The following CELF2 variants were observed in gnomAD, a reference collection of about 807,000 sequenced individuals.
CELF2 encodes CUG triplet repeat RNA-binding protein 2.
CELF2 carries 8 observed loss-of-function variants against 62.6 expected under a neutral mutation model. The ratio of observed to expected loss-of-function variants is 0.13; its 90% CI spans 0.07 to 0.23. CELF2 has a LOEUF of 0.23. Ranked by LOEUF, CELF2 falls within the 10% of genes least tolerant of loss-of-function variation. CELF2 has a pLI of 1.00. For synonymous variants in CELF2, 258 were observed against 250.0 expected (o/e 1.03, Z -0.30); for missense variants, 333 against 671.0 (o/e 0.50, Z 5.56).
In CELF2 at chr10:11,319,888, G is replaced by A. The variant is rs147928573; in HGVS notation, c.1097-1301G>A. ...CCACCTGCTCTGTTAGGGCAGTAGC[G>A]TTGCTGGGCGTGTGGAGGTCACTCT... is the stretch of plus-strand genomic sequence containing the variant. On this transcript the variant is annotated intron_variant, in intron 10 of 12. Transcript: ENST00000633077. The surrounding 1 kb of genome is among the most constrained non-coding windows in gnomAD (Gnocchi z 4.4). 1.8e-4 allele frequency: 84 copies of A among 470,886 alleles called. 1 individual carries two copies. The highest frequency in any genetic ancestry group is 1.1e-3 in the African/African-American group (54 of 50,162). The allele number at this position is 470,886 out of a possible 1,614,324, so 29.2% of individuals were successfully genotyped here.
In CELF2 at chr10:11,143,626, C is replaced by T. The variant is rs59002112; in HGVS notation, c.75-21860C>T. On this transcript the variant is annotated intron_variant, in intron 1 of 12. Coordinates refer to ENST00000633077, the MANE Select transcript of CELF2 (RefSeq NM_001326342.2). Reference sequence around the variant, plus strand: ...TATTTGTAGTTTCTTGCATATCTCACGTTGAGAACTTCAGGCCCCCACACA... The same window carrying T: ...TATTTGTAGTTTCTTGCATATCTCATGTTGAGAACTTCAGGCCCCCACACA... 4.7e-3 allele frequency among the ~76,000 whole-genome samples: 712 copies of T among 152,278 alleles called. 5 individuals are homozygous for T. The highest frequency in any genetic ancestry group is 0.017 in the African/African-American group (686 of 41,540).
At chr10:10,719,337 C>T in the CELF2 span, among the ~76,000 whole-genome samples, 14 of 152,264 alleles carry the variant, frequency 9.2e-5, no homozygotes, top group African/African-American at 2.6e-4. Flanking sequence ...TAGCTCACTG[C>T]GGCCTCAAAG....
the CELF2 span, among the ~76,000 whole-genome samples, chr10:10,771,035 A>C: frequency 6.2e-4 from 95 of 152,328 alleles, no homozygotes; most frequent in Non-Finnish European, 1.1e-3. Context: ...TCCTTGGGAA[A>C]GAGATGAGGG....
the CELF2 span, among the ~76,000 whole-genome samples, chr10:10,702,878 C>T: frequency 6.6e-6 from 1 of 152,198 alleles, no homozygotes; most frequent in Non-Finnish European, 1.5e-5. Flanking sequence ...GCCATCGTGC[C>T]CAACCCCTTT....
At chr10:10,511,649 C>T in the CELF2 span, among the ~76,000 whole-genome samples, 1 of 152,082 alleles carries the variant, frequency 6.6e-6, no homozygotes, top group Non-Finnish European at 1.5e-5. Context: ...CACAGCTGCC[C>T]ACAGTTTAAA....
rs1029320512 is a variant in CELF2 at position 11,296,097 on chromosome 10, C to T, written c.976+7545C>T. Among the ~76,000 whole-genome samples the T allele has an allele frequency of 2.6e-5, 4 of 152,242 alleles. No homozygotes were observed. Among genetic ancestry groups the T allele is most frequent in the Non-Finnish European group, 5.9e-5 (4 of 68,044 alleles). On this transcript the variant is annotated intron_variant, in intron 9 of 12. Coordinates refer to ENST00000633077, the MANE Select transcript of CELF2 (RefSeq NM_001326342.2). The surrounding 1 kb of genome is among the most constrained non-coding windows in gnomAD (Gnocchi z 5.0). ...AAGTAGATTCCACCTGTGCCCTGAG[C>T]TCTCCTTGGCGGGTGCCTTCATCCC...
the CELF2 span, among the ~76,000 whole-genome samples, chr10:10,535,993 A>AG: frequency 2.0e-5 from 3 of 149,108 alleles, no homozygotes; most frequent in African/African-American, 7.4e-5. Flanking sequence ...CAGTGTTCAT[A>AG]GGGGTGGGGG....
At chr10:10,929,261 C>T (rs979998385) in intron 2 of CELF2, among the ~76,000 whole-genome samples, 15 of 152,172 alleles carry the variant, frequency 9.9e-5, no homozygotes, top group Non-Finnish European at 1.6e-4. Context: ...ATTCCTTAAT[C>T]ATGTGGACTT....
At chr10:10,812,262 C>G (rs992711014) in intron 1 of CELF2, among the ~76,000 whole-genome samples, 2 of 152,142 alleles carry the variant, frequency 1.3e-5, no homozygotes, top group African/African-American at 4.8e-5. Context: ...AAAGGGGAAA[C>G]CCCTTATCAA....
Position 11,336,048 on chromosome 10 carries a change from A to G in CELF2, c.*6995A>G, listed in dbSNP as rs1201951114. On this transcript the variant is annotated 3_prime_UTR_variant, in exon 13 of 13. Coordinates refer to ENST00000633077, the MANE Select transcript of CELF2 (RefSeq NM_001326342.2). This position sits in a 1 kb window ranked among gnomAD's most constrained non-coding sequence, Gnocchi z 5.4. ...TGAATCCGTGTGCCATGCATGGACC[A>G]CCTTGGGATACCGCAGCACCATCAA... The G allele has an allele frequency of 6.6e-6, 1 of 152,534 alleles. No homozygotes were observed. The highest frequency in any genetic ancestry group is 6.5e-5 in the Admixed American group (1 of 15,280). The allele number at this position is 152,534 out of a possible 1,614,324, so 9.4% of individuals were successfully genotyped here. A position where few individuals can be genotyped will look rare whatever the true frequency, so the allele number is the denominator to read the frequency against.
the CELF2 span, among the ~76,000 whole-genome samples, chr10:10,481,106 A>G: frequency 2.6e-5 from 4 of 152,158 alleles, no homozygotes; most frequent in Non-Finnish European, 4.4e-5. Flanking sequence ...ACTTTGAAAA[A>G]AAATTCAAGA....
chr10:10,462,625 T>A, the CELF2 span, among the ~76,000 whole-genome samples: 1 of 147,636 alleles, frequency 6.8e-6, no homozygotes, highest in Admixed American at 6.8e-5. Flanking sequence ...CTTTTTTTTT[T>A]TTTTTTTTTT....
intron 2 of CELF2, among the ~76,000 whole-genome samples, chr10:11,183,535 A>AT (rs1164072727): frequency 1.3e-5 from 2 of 152,196 alleles, no homozygotes; most frequent in East Asian, 3.8e-4. Context: ...TGCTAAAGGG[A>AT]TTGTACCATT....
intron 1 of CELF2, among the ~76,000 whole-genome samples, chr10:11,053,185 C>T (rs1050943402): frequency 6.6e-6 from 1 of 152,214 alleles, no homozygotes; most frequent in Non-Finnish European, 1.5e-5. Flanking sequence ...GACACATTCT[C>T]TGGACATTTG....
intron 2 of CELF2, among the ~76,000 whole-genome samples, chr10:11,201,214 C>T (rs2059144205): frequency 6.6e-6 from 1 of 152,282 alleles, no homozygotes; most frequent in Non-Finnish European, 1.5e-5. Context: ...TACTGTTTCA[C>T]CTGTATTTTC....
intron 5 of CELF2, among the ~76,000 whole-genome samples, chr10:11,261,625 G>A (rs991497375): frequency 6.6e-6 from 1 of 152,170 alleles, no homozygotes; most frequent in African/African-American, 2.4e-5. Context: ...TTGAGGCAGC[G>A]TAGCCATATC....
the CELF2 span, among the ~76,000 whole-genome samples, chr10:10,645,515 A>G: frequency 6.6e-6 from 1 of 152,126 alleles, no homozygotes; most frequent in African/African-American, 2.4e-5. Context: ...TTAGGCAGGC[A>G]TGGTAGCACG....
upstream of CELF2, among the ~76,000 whole-genome samples, chr10:11,013,365 G>A (rs926725010): frequency 3.3e-5 from 5 of 152,182 alleles, no homozygotes; most frequent in African/African-American, 9.7e-5. This position sits in a 1 kb window ranked among gnomAD's most constrained non-coding sequence, Gnocchi z 4.1. Flanking sequence ...GTGATGAGAT[G>A]GTTGGGCTCT....
chr10:10,568,873 A>T, the CELF2 span, among the ~76,000 whole-genome samples: 1 of 152,148 alleles, frequency 6.6e-6, no homozygotes, highest in Non-Finnish European at 1.5e-5. Flanking sequence ...TTGAGTACCT[A>T]TTGGAGCCTA....
Sources: allele counts gnomAD v4.1 joint callset (sites outside exome capture counted in the v4.1 genomes callset), GRCh38; gene constraint gnomAD v4.1.1; non-coding constraint Gnocchi (gnomAD v3.1); transcripts MANE v1.5; gene names NCBI Gene and HGNC (gene_info 2026-07-23, HGNC 2026-07-21).